RXRA: variants seen among roughly 807,000 people sequenced by gnomAD.
The protein encoded by RXRA is retinoid X receptor alpha, also known as retinoic acid receptor RXR-alpha.
A neutral mutation model predicts 44.5 loss-of-function variants in RXRA; 5 were observed. The ratio of observed to expected loss-of-function variants is 0.11; its 90% CI spans 0.06 to 0.24. RXRA has a LOEUF of 0.24. Among genes scored for constraint, RXRA ranks in the 10% least tolerant of loss-of-function variants. The probability of loss-of-function intolerance (pLI) is 1.00; values close to 1 mark genes in which losing one functional copy is unlikely to be tolerated. For missense variants in RXRA, 412 were observed against 646.5 expected (o/e 0.64, Z 3.93); for synonymous variants, 291 against 271.4 (o/e 1.07, Z -0.71).
chr9:134,352,354 C>A (rs782165611), intron 1 of RXRA, among the ~76,000 whole-genome samples: 1 of 152,036 alleles, frequency 6.6e-6, no homozygotes, highest in African/African-American at 2.4e-5. Context: ...GGGGCTGCCT[C>A]GGGGACCCTG....
At chr9:134,373,042 G>A (rs1421137167) in intron 1 of RXRA, among the ~76,000 whole-genome samples, 5 of 152,198 alleles carry the variant, frequency 3.3e-5, no homozygotes, top group Admixed American at 6.5e-5. Context: ...TCTGCCCCGG[G>A]TTCGTCAGCA....
intron 1 of RXRA, among the ~76,000 whole-genome samples, chr9:134,362,924 C>G (rs1003364447): frequency 2.0e-5 from 3 of 152,236 alleles, no homozygotes; most frequent in Non-Finnish European, 2.9e-5. Context: ...CCTGATGTGC[C>G]CGCTGTCAGC....
chr9:134,429,700 C>T (rs1277475212), intron 7 of RXRA, among the ~76,000 whole-genome samples: 1 of 152,162 alleles, frequency 6.6e-6, no homozygotes, highest in Non-Finnish European at 1.5e-5. Context: ...TCACACCTCC[C>T]AGTGGAGCAA....
At position 134,326,560 on chromosome 9, in the gene RXRA, GGCCGCGCCGGGGGCC is replaced by G. The variant is rs1418859656; in HGVS notation, c.-63_-49del. On this transcript the variant is annotated 5_prime_UTR_variant, in exon 1 of 10. Coordinates refer to ENST00000481739, the MANE Select transcript of RXRA (RefSeq NM_002957.6). ...GCTCCCCGCCGCCCGGGCCCGGGCC[GGCCGCGCCGGGGGCC>G]GCCGCGCCCGCCGCCCGCTGCCTGC... 14 of 405,722 alleles carry G rather than the reference GGCCGCGCCGGGGGCC, an allele frequency of 3.5e-5. No individual in the cohort carries two copies. Among genetic ancestry groups the G allele is most frequent in the Non-Finnish European group, 4.6e-5 (14 of 305,524 alleles). 25.1% of individuals were successfully genotyped at this position (405,722 alleles called of 1,614,324 possible).
intron 1 of RXRA, among the ~76,000 whole-genome samples, chr9:134,337,014 CT>C (rs1325354091): frequency 6.6e-6 from 1 of 152,116 alleles, no homozygotes; most frequent in Non-Finnish European, 1.5e-5. Flanking sequence ...TGGGTGGGAG[CT>C]GAGGCTGAGG....
intron 1 of RXRA, among the ~76,000 whole-genome samples, chr9:134,391,760 C>G (rs1202718607): frequency 6.6e-6 from 1 of 152,186 alleles, no homozygotes; most frequent in Admixed American, 6.5e-5. Flanking sequence ...GTCTGGCCAC[C>G]CTGGTGGTCG....
chr9:134,333,354 G>A (rs1554746904), intron 1 of RXRA, among the ~76,000 whole-genome samples: 4 of 152,166 alleles, frequency 2.6e-5, no homozygotes, highest in African/African-American at 9.7e-5. Context: ...TGACCCAGAG[G>A]CCGTGCCTGG....
intron 1 of RXRA, among the ~76,000 whole-genome samples, chr9:134,362,313 G>A (rs1430159252): frequency 1.3e-5 from 2 of 152,146 alleles, no homozygotes; most frequent in Admixed American, 6.5e-5. Context: ...CCCCTCCTTC[G>A]AAGACTCTTG....
At chr9:134,422,926 C>G in intron 6 of RXRA, 1 of 985,494 alleles carries the variant, frequency 1.0e-6, no homozygotes, top group Non-Finnish European at 1.2e-6. Flanking sequence ...AAGGCCGCAG[C>G]TCTCTTTCCA....
chr9:134,356,042 C>T (rs1168101152), intron 1 of RXRA, among the ~76,000 whole-genome samples: 1 of 152,140 alleles, frequency 6.6e-6, no homozygotes, highest in Admixed American at 6.5e-5. Flanking sequence ...TCCACGACGC[C>T]CTCACTGTGG....
At chr9:134,423,393 G>C (rs903689367) in intron 6 of RXRA, 2 of 985,344 alleles carry the variant, frequency 2.0e-6, no homozygotes, top group African/African-American at 3.5e-5. Flanking sequence ...GGGAGCCTCA[G>C]CCCATACAAG....
At chr9:134,361,381 GC>G (rs1249658442) in intron 1 of RXRA, among the ~76,000 whole-genome samples, 1 of 152,170 alleles carries the variant, frequency 6.6e-6, no homozygotes, top group Non-Finnish European at 1.5e-5. Flanking sequence ...TGTGTGCCCG[GC>G]CCCTGGGCAT....
At chr9:134,387,923 A>G (rs189843434) in intron 1 of RXRA, among the ~76,000 whole-genome samples, 19 of 152,256 alleles carry the variant, frequency 1.2e-4, no homozygotes, top group Admixed American at 1.0e-3. Context: ...AGCCTCTTGC[A>G]GCAAAGAACT....
chr9:134,370,954 G>A (rs1185840661), intron 1 of RXRA, among the ~76,000 whole-genome samples: 2 of 152,150 alleles, frequency 1.3e-5, no homozygotes, highest in Non-Finnish European at 2.9e-5. Flanking sequence ...CTTCCACTGG[G>A]TTCCACCTGA....
intron 2 of RXRA, chr9:134,405,748 G>C (rs1367448214): frequency 6.6e-6 from 1 of 152,650 alleles, no homozygotes; most frequent in African/African-American, 2.4e-5. Flanking sequence ...GGCCCAAGGG[G>C]CTCCTGCTCA....
Position 134,326,677 on chromosome 9 carries a change from C to A in RXRA, c.28+18C>A. 1 of 875,404 alleles carries A rather than the reference C, an allele frequency of 1.1e-6. No homozygotes were observed. Among genetic ancestry groups the A allele is most frequent in the Non-Finnish European group, 1.4e-6 (1 of 735,626 alleles). The allele number at this position is 875,404 out of a possible 1,614,324, so 54.2% of individuals were successfully genotyped here. A position where few individuals can be genotyped will look rare whatever the true frequency, so the allele number is the denominator to read the frequency against. On this transcript the variant is annotated intron_variant, in intron 1 of 9. Coordinates refer to ENST00000481739, the MANE Select transcript of RXRA (RefSeq NM_002957.6). Reference sequence around the variant, plus strand: ...GCCGCTCGGTGAGTGCTCGCCGGGCCGGGCGGGGACGGGGCCGGGGGCCGG... The same window carrying A: ...GCCGCTCGGTGAGTGCTCGCCGGGCAGGGCGGGGACGGGGCCGGGGGCCGG...
intron 4 of RXRA, among the ~76,000 whole-genome samples, chr9:134,411,615 G>A (rs900387471): frequency 5.9e-5 from 9 of 152,314 alleles, no homozygotes; most frequent in Admixed American, 2.0e-4. Context: ...ACTTAGGGCC[G>A]TGAGAGAAAC....
At chr9:134,427,256 C>CAG in intron 6 of RXRA, 3 of 737,766 alleles carry the variant, frequency 4.1e-6, no homozygotes, top group Non-Finnish European at 5.0e-6. Context: ...TCGGCTGAGC[C>CAG]CTGGGATGCC....
Position 134,426,324 on chromosome 9 carries a change from G to A in RXRA, c.911-2784G>A, listed in dbSNP as rs879533023. 1.4e-5 allele frequency: 14 copies of A among 985,322 alleles called. No homozygotes were observed. Among genetic ancestry groups the A allele is most frequent in the African/African-American group, 1.7e-5 (1 of 57,238 alleles). 61.0% of individuals were successfully genotyped at this position (985,322 alleles called of 1,614,324 possible). A position where few individuals can be genotyped will look rare whatever the true frequency, so the allele number is the denominator to read the frequency against. ...CCTGCAGCGATGGAGCACTTAGGAAGGTGAAGACACCCCAAAGGTTACTGT... is the reference window on the plus strand; with the variant it reads ...CCTGCAGCGATGGAGCACTTAGGAAAGTGAAGACACCCCAAAGGTTACTGT... On this transcript the variant is annotated intron_variant, in intron 6 of 9. Transcript: ENST00000481739. The surrounding 1 kb of genome is among the most constrained non-coding windows in gnomAD (Gnocchi z 4.6).
Sources: allele counts gnomAD v4.1 joint callset (sites outside exome capture counted in the v4.1 genomes callset), GRCh38; gene constraint gnomAD v4.1.1; non-coding constraint Gnocchi (gnomAD v3.1); transcripts MANE v1.5; gene names NCBI Gene and HGNC (gene_info 2026-07-23, HGNC 2026-07-21).